The following CACNA2D3 variants were observed in gnomAD, a reference collection of about 807,000 sequenced individuals.
The protein encoded by CACNA2D3 is voltage-dependent calcium channel subunit alpha-2/delta-3.
A neutral mutation model predicts 160.6 loss-of-function variants in CACNA2D3; 60 were observed. The observed-to-expected ratio is 0.37, with a 90% confidence interval of 0.30 to 0.46. CACNA2D3 has a LOEUF of 0.46. Among genes scored for constraint, CACNA2D3 ranks in the 20% least tolerant of loss-of-function variants. The pLI, the probability that CACNA2D3 is intolerant of heterozygous loss-of-function variation, is 1.00. For missense variants in CACNA2D3, 1,205 were observed against 1,365.0 expected, an observed-to-expected ratio of 0.88 and a Z score of 1.85; for synonymous variants, 558 against 492.9, an observed-to-expected ratio of 1.13 and a Z score of -1.75.
intron 2 of CACNA2D3, among the ~76,000 whole-genome samples, chr3:54,287,500 A>G (rs1203814576): frequency 3.3e-5 from 5 of 150,396 alleles, no homozygotes; most frequent in Admixed American, 1.3e-4. Context: ...CCCCACTGTC[A>G]ACATTAGACA....
chr3:54,346,167 G>A (rs903106133), intron 3 of CACNA2D3, among the ~76,000 whole-genome samples: 5 of 152,182 alleles, frequency 3.3e-5, no homozygotes, highest in Admixed American at 1.3e-4. Context: ...TGATTCATTT[G>A]TAAGTGTTAC....
intron 5 of CACNA2D3, among the ~76,000 whole-genome samples, chr3:54,509,953 C>T (rs768841758): frequency 6.6e-6 from 1 of 152,138 alleles, no homozygotes; most frequent in Non-Finnish European, 1.5e-5. Context: ...AGGTTTGTGT[C>T]TGTATTTTCT....
chr3:54,140,480 G>A (rs535425535), intron 2 of CACNA2D3, among the ~76,000 whole-genome samples: 31 of 152,296 alleles, frequency 2.0e-4, no homozygotes, highest in African/African-American at 7.5e-4. Context: ...TTGCTGCCAG[G>A]CATGCCACTC....
At position 54,841,567 on chromosome 3, in the gene CACNA2D3, A is replaced by G. The variant is rs936906286; in HGVS notation, c.1551+2919A>G. ...CCAGGAGAGGAGAGCTCCAGGGAAC[A>G]GAGTTCAGGTCACACCTTGCCCTCC... On this transcript the variant is annotated intron_variant, in intron 16 of 37. Coordinates refer to ENST00000474759, the MANE Select transcript of CACNA2D3 (RefSeq NM_018398.3). Among the ~76,000 whole-genome samples, 3 of 152,220 alleles carry G rather than the reference A, an allele frequency of 2.0e-5. No individual in the cohort carries two copies. The East Asian group carries it at 5.8e-4, about 29-fold the overall frequency.
At chr3:54,177,298 G>GT (rs894406026) in intron 2 of CACNA2D3, among the ~76,000 whole-genome samples, 3 of 152,100 alleles carry the variant, frequency 2.0e-5, no homozygotes, top group African/African-American at 2.4e-5. Flanking sequence ...TAAATTCCGG[G>GT]TTTTTTATCT....
chr3:54,461,420 T>G (rs1002174540), intron 4 of CACNA2D3, among the ~76,000 whole-genome samples: 1 of 151,442 alleles, frequency 6.6e-6, no homozygotes, highest in Non-Finnish European at 1.5e-5. Context: ...CTCTTTTTGA[T>G]TGGTAAGCTA....
intron 3 of CACNA2D3, among the ~76,000 whole-genome samples, chr3:54,364,802 A>G (rs889150171): frequency 3.9e-5 from 6 of 152,256 alleles, no homozygotes; most frequent in African/African-American, 1.2e-4. Context: ...GAAGGAGGTG[A>G]ATGAAAAGTA....
intron 2 of CACNA2D3, among the ~76,000 whole-genome samples, chr3:54,315,700 A>C (rs34054647): frequency 0.55 from 84,094 of 151,872 alleles, 24,116 homozygotes; most frequent in Non-Finnish European, 0.63. Flanking sequence ...GGATTAGACA[A>C]ATTAATAGGT....
At chr3:54,606,568 T>A (rs1698630892) in intron 9 of CACNA2D3, among the ~76,000 whole-genome samples, 1 of 151,948 alleles carries the variant, frequency 6.6e-6, no homozygotes, top group Non-Finnish European at 1.5e-5. Flanking sequence ...GGATTTGGGG[T>A]CTGAGTCTTG....
chr3:54,512,457 G>T (rs7374204), intron 5 of CACNA2D3, among the ~76,000 whole-genome samples: 1 of 152,126 alleles, frequency 6.6e-6, no homozygotes. Flanking sequence ...AGTGACACCG[G>T]GTCCCCCACA....
chr3:54,496,282 T>G (rs1701201523), intron 4 of CACNA2D3, among the ~76,000 whole-genome samples: 1 of 152,210 alleles, frequency 6.6e-6, no homozygotes, highest in South Asian at 2.1e-4. Context: ...ATATATGAGA[T>G]ATTTGATTGC....
At chr3:54,503,756 T>C (rs1701327768) in intron 5 of CACNA2D3, 102 bp downstream of exon 5, 1 of 1,041,162 alleles carries the variant, frequency 9.6e-7, no homozygotes, top group Non-Finnish European at 1.4e-6. Context: ...GTTTCATTTT[T>C]TTTGAAAAGC....
chr3:54,826,452 G>T (rs1703752113), intron 14 of CACNA2D3, among the ~76,000 whole-genome samples: 1 of 152,208 alleles, frequency 6.6e-6, no homozygotes, highest in African/African-American at 2.4e-5. Flanking sequence ...CAAGTTTCAT[G>T]AAGTAGAAAA....
intron 9 of CACNA2D3, among the ~76,000 whole-genome samples, chr3:54,586,044 C>T (rs950811845): frequency 2.0e-5 from 3 of 152,138 alleles, no homozygotes; most frequent in Admixed American, 6.5e-5. Flanking sequence ...GCAGGCAGAT[C>T]ATGGGGTCAG....
At chr3:54,307,819 G>T (rs1183326499) in intron 2 of CACNA2D3, among the ~76,000 whole-genome samples, 1 of 152,186 alleles carries the variant, frequency 6.6e-6, no homozygotes, top group Non-Finnish European at 1.5e-5. Flanking sequence ...GAATTTAAAA[G>T]ACTTTAGTTA....
At chr3:54,464,101 C>T (rs1198676014) in intron 4 of CACNA2D3, among the ~76,000 whole-genome samples, 1 of 152,184 alleles carries the variant, frequency 6.6e-6, no homozygotes, top group Non-Finnish European at 1.5e-5. Flanking sequence ...TCATGAACCA[C>T]GAATGCTGCT....
intron 3 of CACNA2D3, among the ~76,000 whole-genome samples, chr3:54,350,450 A>T (rs1049774506): frequency 1.3e-5 from 2 of 152,122 alleles, no homozygotes; most frequent in Non-Finnish European, 2.9e-5. Flanking sequence ...TCTGGGCTTG[A>T]AGTCTGAGTG....
rs1192437177 is a variant in CACNA2D3, at chr3:54,424,950, G to C, written c.381+38176G>C. 2.6e-5 allele frequency among the ~76,000 whole-genome samples: 4 copies of C among 152,124 alleles called. No individual in the cohort carries two copies. The East Asian group carries it at 7.7e-4, about 29-fold the overall frequency. Reference sequence around the variant, plus strand: ...TGCTTTGCTCACAGAGCTGGACGTGGGGGTACAGAAAAAAGAGAGAAGGAC... The same window carrying C: ...TGCTTTGCTCACAGAGCTGGACGTGCGGGTACAGAAAAAAGAGAGAAGGAC... On this transcript the variant is annotated intron_variant, in intron 4 of 37. Transcript: ENST00000474759.
At chr3:54,726,561 C>T (rs1217820433) in intron 11 of CACNA2D3, among the ~76,000 whole-genome samples, 1 of 152,166 alleles carries the variant, frequency 6.6e-6, no homozygotes, top group Non-Finnish European at 1.5e-5. Flanking sequence ...GGTACCAAAA[C>T]AGAGATATAG....
Sources: allele counts gnomAD v4.1 joint callset (sites outside exome capture counted in the v4.1 genomes callset), GRCh38; gene constraint gnomAD v4.1.1; transcripts MANE v1.5; gene names NCBI Gene and HGNC (gene_info 2026-07-23, HGNC 2026-07-21).